Variants in TRAF5 observed in about 807,000 individuals in gnomAD.
TRAF5 encodes the protein TNF receptor-associated factor 5.
TRAF5 carries 48 observed loss-of-function variants against 64.5 expected under a neutral mutation model. The observed-to-expected ratio is 0.74, with a 90% CI of 0.59 to 0.95. The LOEUF (loss-of-function observed/expected upper bound fraction) is 0.95. Among genes scored for constraint, TRAF5 ranks in the 40% least tolerant of loss-of-function variants. TRAF5 has a pLI of 0.00. For missense variants in TRAF5, 545 were observed against 662.8 expected (o/e 0.82, Z 1.95); for synonymous variants, 206 against 240.5 (o/e 0.86, Z 1.33).
At chr1:211,341,234 C>A (rs916296271) in intron 1 of TRAF5, among the ~76,000 whole-genome samples, 3 of 151,974 alleles carry the variant, frequency 2.0e-5, no homozygotes, top group African/African-American at 7.3e-5. Context: ...CTTTGGGGAA[C>A]CCTGCAGGAG....
At chr1:211,364,486 A>G (rs1307654236) in intron 7 of TRAF5, among the ~76,000 whole-genome samples, 1 of 152,088 alleles carries the variant, frequency 6.6e-6, no homozygotes, top group East Asian at 1.9e-4. Flanking sequence ...GGAGTTCGAG[A>G]CCAGCCTGAG....
intron 1 of TRAF5, among the ~76,000 whole-genome samples, chr1:211,345,464 G>A (rs1702577775): frequency 6.6e-6 from 1 of 151,812 alleles, no homozygotes. Context: ...GAGAACTGCC[G>A]ATCCTAGCAG....
At chr1:211,334,041 C>T (rs1188563094) in intron 1 of TRAF5, among the ~76,000 whole-genome samples, 1 of 152,218 alleles carries the variant, frequency 6.6e-6, no homozygotes, top group Non-Finnish European at 1.5e-5. Flanking sequence ...TGGTCATACT[C>T]ACAGCTATGA....
chr1:211,331,397 C>T (rs1483001592), intron 1 of TRAF5, among the ~76,000 whole-genome samples: 1 of 152,158 alleles, frequency 6.6e-6, no homozygotes, highest in East Asian at 1.9e-4. Context: ...GAGCAAGTTG[C>T]CCAACTTCCA....
intron 7 of TRAF5, 74 bp downstream of exon 7, chr1:211,361,236 G>T: frequency 7.4e-7 from 1 of 1,343,292 alleles, no homozygotes; most frequent in South Asian, 1.2e-5. Flanking sequence ...TTTACTCTCT[G>T]TTCCATCGAG....
At chr1:211,362,055 CCT>C (rs75240062) in intron 7 of TRAF5, among the ~76,000 whole-genome samples, 25,292 of 151,906 alleles carry the variant, frequency 0.17, 2,217 homozygotes, top group African/African-American at 0.23. Flanking sequence ...TGGGGTTACT[CCT>C]CTCATGATTA....
At chr1:211,345,021 C>G (rs544582624) in intron 1 of TRAF5, among the ~76,000 whole-genome samples, 10 of 152,298 alleles carry the variant, frequency 6.6e-5, no homozygotes, top group African/African-American at 1.4e-4. Flanking sequence ...TGGGTTCAAA[C>G]GATTCTCCTG....
Position 211,360,101 on chromosome 1 carries a change from C to A in TRAF5, c.543+25C>A, listed in dbSNP as rs780014915. On this transcript the variant is annotated intron_variant, in intron 5 of 10. Transcript: ENST00000261464. ...GGTGAAAAACAACACATACAACAGTCATCTTTATGGAGCTAAATTATGCCT... is the reference window on the plus strand; with the variant it reads ...GGTGAAAAACAACACATACAACAGTAATCTTTATGGAGCTAAATTATGCCT... The A allele has an allele frequency of 1.8e-5, 29 of 1,608,568 alleles. No homozygotes were observed. The Admixed American group carries it at 4.2e-4, about 23-fold the overall frequency.
intron 1 of TRAF5, among the ~76,000 whole-genome samples, chr1:211,340,375 C>G (rs1042025920): frequency 1.2e-4 from 18 of 152,298 alleles, no homozygotes; most frequent in Middle Eastern, 3.4e-3. Flanking sequence ...ACTTCCGCCT[C>G]TTGGGTTCAA....
At chr1:211,360,923 C>CT in intron 6 of TRAF5, 144 bp downstream of exon 6, 1 of 1,002,256 alleles carries the variant, frequency 1.0e-6, no homozygotes, top group Non-Finnish European at 1.5e-6. Flanking sequence ...CTTCCCTTCT[C>CT]TTTTTCCTGC....
intron 1 of TRAF5, among the ~76,000 whole-genome samples, chr1:211,350,204 T>C (rs1702741101): frequency 6.6e-6 from 1 of 151,902 alleles, no homozygotes; most frequent in Non-Finnish European, 1.5e-5. Context: ...CCCCAGGCTT[T>C]TTTTTTTTTC....
chr1:211,340,832 G>C (rs1558133511), intron 1 of TRAF5, among the ~76,000 whole-genome samples: 1 of 152,230 alleles, frequency 6.6e-6, no homozygotes. Context: ...TGGGCTCCCA[G>C]AGCTGGCGGT....
At chr1:211,336,073 A>G (rs74137656) in intron 1 of TRAF5, among the ~76,000 whole-genome samples, 10,021 of 152,162 alleles carry the variant, frequency 0.066, 1,091 homozygotes, top group African/African-American at 0.23. Flanking sequence ...TAAAATCAAC[A>G]TTGAACAGAG....
intron 1 of TRAF5, among the ~76,000 whole-genome samples, chr1:211,347,572 G>GGCCT (rs1164631302): frequency 7.9e-5 from 12 of 152,330 alleles, no homozygotes; most frequent in Non-Finnish European, 1.5e-4. Flanking sequence ...GAATGACTTA[G>GGCCT]GCCTGTTGAA....
intron 1 of TRAF5, among the ~76,000 whole-genome samples, chr1:211,330,435 C>T (rs556458629): frequency 6.6e-6 from 1 of 151,578 alleles, no homozygotes; most frequent in Non-Finnish European, 1.5e-5. Flanking sequence ...ACCTTTTCCA[C>T]GTACACTCCC....
Position 211,353,244 on chromosome 1 carries a change from C to T in TRAF5, c.5C>T (p.Ala2Val), listed in dbSNP as rs780130497. The change falls in exon 2 of 11, where the codon GCT (alanine) becomes GTT (valine). Residue 2 changes from alanine to valine, a missense_variant. Physicochemically the swap from Ala to Val is moderately conservative, Grantham distance 64 (BLOSUM62 0). Coordinates refer to ENST00000261464, the MANE Select transcript of TRAF5 (RefSeq NM_001033910.3). M[A>V]YSEEHKGMPC... ...TCCTCCCCTGACCTCTGCAGAATGG[C>T]TTATTCAGAAGAGCATAAAGGTATG... 1.9e-6 allele frequency: 3 copies of T among 1,614,162 alleles called. No homozygotes were observed. The Admixed American group carries it at 5.0e-5, about 27-fold the overall frequency.
chr1:211,337,514 G>A (rs1045223287), intron 1 of TRAF5, among the ~76,000 whole-genome samples: 2 of 152,220 alleles, frequency 1.3e-5, no homozygotes, highest in Admixed American at 1.3e-4. Context: ...CATTGGAGCA[G>A]AGGAGCAGCA....
chr1:211,365,915 A>G (rs923420558), intron 8 of TRAF5, among the ~76,000 whole-genome samples: 2 of 152,200 alleles, frequency 1.3e-5, no homozygotes, highest in African/African-American at 2.4e-5. Flanking sequence ...TCTAAGCACT[A>G]TGGGTTTTAT....
chr1:211,350,324 C>G (rs908856681), intron 1 of TRAF5, among the ~76,000 whole-genome samples: 1 of 151,926 alleles, frequency 6.6e-6, no homozygotes, highest in African/African-American at 2.4e-5. Context: ...AAGTGATCCC[C>G]CCCTGCCTCA....
Sources: allele counts gnomAD v4.1 joint callset (sites outside exome capture counted in the v4.1 genomes callset), GRCh38; gene constraint gnomAD v4.1.1; transcripts MANE v1.5; gene names NCBI Gene and HGNC (gene_info 2026-07-23, HGNC 2026-07-21).